Variants in NFIX observed in about 807,000 individuals in gnomAD.
The protein encoded by NFIX is nuclear factor 1 X-type.
A neutral mutation model predicts 53.3 loss-of-function variants in NFIX; 2 were observed. The observed-to-expected ratio is 0.04, with a 90% CI of 0.02 to 0.12. The LOEUF (loss-of-function observed/expected upper bound fraction) is 0.12. Among genes scored for constraint, NFIX ranks in the 10% least tolerant of loss-of-function variants. The pLI, the probability that NFIX is intolerant of heterozygous loss-of-function variation, is 1.00. For missense variants in NFIX, 310 were observed against 674.5 expected (o/e 0.46, Z 5.99); for synonymous variants, 244 against 289.0 (o/e 0.84, Z 1.58).
intron 8 of NFIX, among the ~76,000 whole-genome samples, chr19:13,084,270 C>T (rs1035127903): frequency 5.3e-5 from 8 of 152,098 alleles, no homozygotes; most frequent in Non-Finnish European, 7.3e-5. Context: ...CACGGTAAAA[C>T]CCCTCTCTAC....
Position 13,036,714 on chromosome 19 carries a change from C to T in NFIX, c.559+11162C>T, listed in dbSNP as rs1484945677. On this transcript the variant is annotated intron_variant, in intron 2 of 10. Transcript: ENST00000592199. This position sits in a 1 kb window ranked among gnomAD's most constrained non-coding sequence, Gnocchi z 4.7. Reference sequence around the variant, plus strand: ...GTTATATAACAGGTGGCCCAGAATACAGACAGGGGGTGTAATAAGTGTATA... The same window carrying T: ...GTTATATAACAGGTGGCCCAGAATATAGACAGGGGGTGTAATAAGTGTATA... Among the ~76,000 whole-genome samples, 2 of 152,154 alleles carry T rather than the reference C, an allele frequency of 1.3e-5. No homozygotes were observed. The highest frequency in any genetic ancestry group is 2.9e-5 in the Non-Finnish European group (2 of 68,018).
rs942218545 is a variant in NFIX, at chr19:13,072,329, C to T, written c.560-718C>T. Among the ~76,000 whole-genome samples, 2 of 152,244 alleles carry T rather than the reference C, an allele frequency of 1.3e-5. No individual in the cohort carries two copies. The highest frequency in any genetic ancestry group is 2.9e-5 in the Non-Finnish European group (2 of 68,044). On this transcript the variant is annotated intron_variant, in intron 2 of 10. Transcript: ENST00000592199. The surrounding 1 kb of genome is among the most constrained non-coding windows in gnomAD (Gnocchi z 4.0). ...CCCACTGCACAATGAGCCCTTGTCT[C>T]GGGGCTCCCTCTGAGCAGCTGTGGC...
At position 13,098,404 on chromosome 19, in the gene NFIX, A is replaced by C. The variant is rs972857268; in HGVS notation, c.*3755A>C. 2.6e-5 allele frequency: 4 copies of C among 151,680 alleles called. No homozygotes were observed. The highest frequency in any genetic ancestry group is 5.9e-5 in the Non-Finnish European group (4 of 68,008). 9.4% of individuals were successfully genotyped at this position (151,680 alleles called of 1,614,324 possible). On this transcript the variant is annotated 3_prime_UTR_variant, in exon 11 of 11. Coordinates refer to ENST00000592199, the MANE Select transcript of NFIX (RefSeq NM_001365902.3). ...GACCGCAAAGGCCGCCCGTCCCGTC[A>C]AACAAGTTTCTTCTTAGGCTAAGAA...
rs150350285 is a variant in NFIX, at chr19:13,031,097, G to A, written c.559+5545G>A. 6.5e-3 allele frequency among the ~76,000 whole-genome samples: 984 copies of A among 152,340 alleles called. 2 individuals carry two copies. The highest frequency in any genetic ancestry group is 0.011 in the Non-Finnish European group (737 of 68,036). On this transcript the variant is annotated intron_variant, in intron 2 of 10. Coordinates refer to ENST00000592199, the MANE Select transcript of NFIX (RefSeq NM_001365902.3). ...AGAAATGCCCAGACCCAATCCTTAT[G>A]CTTGGGCTTGGTCTTATTCTCAGAC...
rs994144492 is a variant in NFIX, at chr19:12,998,732, C to T, written c.27+2868C>T. Reference sequence around the variant, plus strand: ...CGATGTCCAGACCCACGACCATCGACGAGCCTACAGACCTACGGACACAGG... The same window carrying T: ...CGATGTCCAGACCCACGACCATCGATGAGCCTACAGACCTACGGACACAGG... On this transcript the variant is annotated intron_variant, in intron 1 of 10. Transcript: ENST00000592199. This position sits in a 1 kb window ranked among gnomAD's most constrained non-coding sequence, Gnocchi z 4.4. 2.0e-5 allele frequency among the ~76,000 whole-genome samples: 3 copies of T among 152,158 alleles called. No individual in the cohort carries two copies. Among genetic ancestry groups the T allele is most frequent in the East Asian group, 3.8e-4 (2 of 5,196 alleles).
In NFIX at chr19:13,002,667, G is replaced by C. The variant is rs1381179728; in HGVS notation, c.27+6803G>C. Among the ~76,000 whole-genome samples, 2 of 152,212 alleles carry C rather than the reference G, an allele frequency of 1.3e-5. No individual in the cohort carries two copies. The highest frequency in any genetic ancestry group is 2.9e-5 in the Non-Finnish European group (2 of 68,026). On this transcript the variant is annotated intron_variant, in intron 1 of 10. Coordinates refer to ENST00000592199, the MANE Select transcript of NFIX (RefSeq NM_001365902.3). The surrounding 1 kb of genome is among the most constrained non-coding windows in gnomAD (Gnocchi z 6.1). ...GCAGCTGTGCCCAGAACTCCAAGTT[G>C]CGTTTGCCACCACTACCGATGTGGC...
At chr19:13,085,093 TGAG>T (rs956521974) in intron 8 of NFIX, among the ~76,000 whole-genome samples, 3 of 149,114 alleles carry the variant, frequency 2.0e-5, no homozygotes, top group Non-Finnish European at 4.4e-5. Context: ...AAAAAAAAAT[TGAG>T]GAGCTATACC....
Position 13,012,903 on chromosome 19 carries a change from C to T in NFIX, c.28-12118C>T, listed in dbSNP as rs2145158268. 6.6e-6 allele frequency among the ~76,000 whole-genome samples: 1 copy of T among 151,816 alleles called. No individual in the cohort carries two copies. Among genetic ancestry groups the T allele is most frequent in the South Asian group, 2.1e-4 (1 of 4,780 alleles). ...GCCTTCTCTTTTGGGGGAGTAAAGG[C>T]GGGGAAATTTACCAGGGGAGATTTT... On this transcript the variant is annotated intron_variant, in intron 1 of 10. Transcript: ENST00000592199. The surrounding 1 kb of genome is among the most constrained non-coding windows in gnomAD (Gnocchi z 5.0).
chr19:13,086,214 C>T (rs2017770081), intron 8 of NFIX, among the ~76,000 whole-genome samples: 1 of 152,164 alleles, frequency 6.6e-6, no homozygotes, highest in African/African-American at 2.4e-5. Flanking sequence ...GTAGAGGCAT[C>T]CGTGGGGGCC....
At chr19:13,064,902 A>G (rs1050551383) in intron 2 of NFIX, among the ~76,000 whole-genome samples, 4 of 152,210 alleles carry the variant, frequency 2.6e-5, no homozygotes, top group African/African-American at 9.6e-5. Context: ...GCCCTGAGCT[A>G]AGCACCTTAT....
At position 13,094,900 on chromosome 19, in the gene NFIX, G is replaced by GA; in HGVS notation, c.*254dup. The GA allele has an allele frequency of 1.9e-6, 1 of 525,312 alleles. No individual in the cohort carries two copies. Among genetic ancestry groups the GA allele is most frequent in the Non-Finnish European group, 3.4e-6 (1 of 291,806 alleles). The allele number at this position is 525,312 out of a possible 1,614,324, so 32.5% of individuals were successfully genotyped here. A position where few individuals can be genotyped will look rare whatever the true frequency, so the allele number is the denominator to read the frequency against. On this transcript the variant is annotated 3_prime_UTR_variant, in exon 11 of 11. Transcript: ENST00000592199. The surrounding 1 kb of genome is among the most constrained non-coding windows in gnomAD (Gnocchi z 4.3). Reference sequence around the variant, plus strand: ...CTGTGCACCAGCAGCCAAGCAGAAAGAAACACGCGACATGGACTCTGTCAA... The same window carrying GA: ...CTGTGCACCAGCAGCCAAGCAGAAAGAAAACACGCGACATGGACTCTGTCAA...
chr19:13,046,285 G>A (rs1049750908), intron 2 of NFIX, among the ~76,000 whole-genome samples: 2 of 152,144 alleles, frequency 1.3e-5, no homozygotes, highest in East Asian at 1.9e-4. Flanking sequence ...GTGTGGGAAC[G>A]CAGCCCTGTG....
chr19:13,000,369 A>G (rs1159747424), intron 1 of NFIX, among the ~76,000 whole-genome samples: 1 of 152,082 alleles, frequency 6.6e-6, no homozygotes, highest in African/African-American at 2.4e-5. Flanking sequence ...TCTGAGGGGT[A>G]GAAGACAGGA....
chr19:13,081,840 C>A lies in NFIX; in HGVS notation c.1239C>A (p.Gly413=). ...FVQFVCSDGS[G]QATGQPNGSG... Reference sequence around the variant, plus strand: ...AGTTTGTGTGCTCGGATGGCTCGGGCCAGGCCACCGGACAGGTGAGTCCAG... The same window carrying A: ...AGTTTGTGTGCTCGGATGGCTCGGGACAGGCCACCGGACAGGTGAGTCCAG... The change falls in exon 8 of 11, where the codon GGC becomes GGA. Residue 413 remains glycine (G), a synonymous_variant. Coordinates refer to ENST00000592199, the MANE Select transcript of NFIX (RefSeq NM_001365902.3). This position sits in a 1 kb window ranked among gnomAD's most constrained non-coding sequence, Gnocchi z 4.7. 6.2e-7 allele frequency: 1 copy of A among 1,613,926 alleles called. No homozygotes were observed. Among genetic ancestry groups the A allele is most frequent in the African/African-American group, 1.3e-5 (1 of 75,070 alleles).
Position 13,052,212 on chromosome 19 carries a change from C to T in NFIX, c.560-20835C>T, listed in dbSNP as rs78426335. On this transcript the variant is annotated intron_variant, in intron 2 of 10. Coordinates refer to ENST00000592199, the MANE Select transcript of NFIX (RefSeq NM_001365902.3). The surrounding 1 kb of genome is among the most constrained non-coding windows in gnomAD (Gnocchi z 5.2). ...GGGCAGGGCTCGTGAATCTGCATTT[C>T]CACCTAGTACCCAGGTGCTGTTGGT... 0.016 allele frequency among the ~76,000 whole-genome samples: 2,410 copies of T among 152,272 alleles called. 33 individuals are homozygous for T. The highest frequency in any genetic ancestry group is 0.033 in the African/African-American group (1,368 of 41,550).
chr19:13,067,997 C>G lies in NFIX; in HGVS notation c.560-5050C>G, dbSNP rs554067311. The stretch of plus-strand genomic sequence containing the variant: ...ACAGGTGCCTGTAGTTCCCAGTACT[C>G]GGGAGGCTGAGGCAGGAGAATGGCG... On this transcript the variant is annotated intron_variant, in intron 2 of 10. Coordinates refer to ENST00000592199, the MANE Select transcript of NFIX (RefSeq NM_001365902.3). The surrounding 1 kb of genome is among the most constrained non-coding windows in gnomAD (Gnocchi z 4.2). 2.0e-5 allele frequency among the ~76,000 whole-genome samples: 3 copies of G among 151,588 alleles called. No individual in the cohort carries two copies. Among genetic ancestry groups the G allele is most frequent in the Non-Finnish European group, 2.9e-5 (2 of 67,950 alleles).
intron 1 of NFIX, among the ~76,000 whole-genome samples, chr19:13,016,350 G>A (rs1230077953): frequency 1.3e-5 from 2 of 152,178 alleles, no homozygotes; most frequent in Admixed American, 6.5e-5. Flanking sequence ...ATCCTGACCC[G>A]TCCACATGTG....
rs936648325 is a variant in NFIX, at chr19:13,037,639, A to G, written c.559+12087A>G. Among the ~76,000 whole-genome samples the G allele has an allele frequency of 3.9e-5, 6 of 152,136 alleles. No individual in the cohort carries two copies. Among genetic ancestry groups the G allele is most frequent in the Middle Eastern group, 6.8e-3 (2 of 294 alleles). On this transcript the variant is annotated intron_variant, in intron 2 of 10. Coordinates refer to ENST00000592199, the MANE Select transcript of NFIX (RefSeq NM_001365902.3). This position sits in a 1 kb window ranked among gnomAD's most constrained non-coding sequence, Gnocchi z 4.2. ...GGATTGGAAGAAGGCTGGATGACCA[A>G]CTCGTCCTGGTTTGCTCAGAGTTTC...
Position 13,095,845 on chromosome 19 carries a change from C to G in NFIX, c.*1196C>G, listed in dbSNP as rs990940851. On this transcript the variant is annotated 3_prime_UTR_variant, in exon 11 of 11. Coordinates refer to ENST00000592199, the MANE Select transcript of NFIX (RefSeq NM_001365902.3). ...GACTTTCCCCCGCCTCCCCGCCCCC[C>G]ACGTGGCCACTTTTCTCTGGATTTT... is the stretch of plus-strand genomic sequence containing the variant. 3.3e-5 allele frequency: 5 copies of G among 152,130 alleles called. 1 individual carries two copies. The South Asian group carries it at 1.0e-3, about 32-fold the overall frequency. 9.4% of individuals were successfully genotyped at this position (152,130 alleles called of 1,614,324 possible).
Sources: allele counts gnomAD v4.1 joint callset (sites outside exome capture counted in the v4.1 genomes callset), GRCh38; gene constraint gnomAD v4.1.1; non-coding constraint Gnocchi (gnomAD v3.1); transcripts MANE v1.5; gene names NCBI Gene and HGNC (gene_info 2026-07-23, HGNC 2026-07-21).